The following TENM3 variants were observed in gnomAD, a reference collection of about 807,000 sequenced individuals.
TENM3 encodes teneurin-3.
In TENM3, 63 loss-of-function variants were observed where a neutral mutation model predicts 255.1. The observed-to-expected ratio is 0.25, with a 90% CI of 0.20 to 0.30. The LOEUF (loss-of-function observed/expected upper bound fraction) is 0.30, where lower values mean the gene tolerates loss of function less well. Ranked by LOEUF, TENM3 falls within the 10% of genes least tolerant of loss-of-function variation. The pLI, the probability that TENM3 is intolerant of heterozygous loss-of-function variation, is 1.00. For missense variants in TENM3, 2,929 were observed against 3,461.1 expected (o/e 0.85, Z 3.86); for synonymous variants, 1,306 against 1,322.3 (o/e 0.99, Z 0.27).
At chr4:182,752,149 T>C (rs1762422791) in intron 20 of TENM3, 117 bp downstream of exon 20, 4 of 689,060 alleles carry the variant, frequency 5.8e-6, no homozygotes, top group African/African-American at 5.5e-5. Context: ...TTTTTACCTT[T>C]GACAGTGTTC....
intron 3 of TENM3, among the ~76,000 whole-genome samples, chr4:182,348,043 G>A (rs748373374): frequency 6.6e-6 from 1 of 152,070 alleles, no homozygotes; most frequent in Non-Finnish European, 1.5e-5. Flanking sequence ...CAGCACCTAA[G>A]GCTTATTAGT....
At chr4:181,692,054 T>A in the TENM3 span, among the ~76,000 whole-genome samples, 1 of 152,290 alleles carries the variant, frequency 6.6e-6, no homozygotes, top group Non-Finnish European at 1.5e-5. Flanking sequence ...TTAGGCTTAT[T>A]GAATTTTGAA....
the TENM3 span, among the ~76,000 whole-genome samples, chr4:181,578,442 A>G: frequency 6.6e-6 from 1 of 152,194 alleles, no homozygotes; most frequent in Non-Finnish European, 1.5e-5. Context: ...AATAGCGGCC[A>G]GGGTCTGGCT....
the TENM3 span, among the ~76,000 whole-genome samples, chr4:181,845,313 GA>G: frequency 2.0e-5 from 3 of 152,146 alleles, no homozygotes; most frequent in Non-Finnish European, 4.4e-5. Context: ...GTTAAGTGAT[GA>G]CAGTGAGATG....
At chr4:181,579,800 A>T in the TENM3 span, among the ~76,000 whole-genome samples, 11 of 152,196 alleles carry the variant, frequency 7.2e-5, no homozygotes, top group African/African-American at 2.6e-4. Context: ...GGAAGAAGAG[A>T]CTAGGTTCAT....
chr4:182,042,420 C>T, the TENM3 span, among the ~76,000 whole-genome samples: 1 of 152,016 alleles, frequency 6.6e-6, no homozygotes, highest in African/African-American at 2.4e-5. Flanking sequence ...TAAGTGTCCC[C>T]CTCAGGATGA....
At chr4:181,604,930 C>CA in the TENM3 span, among the ~76,000 whole-genome samples, 1 of 152,120 alleles carries the variant, frequency 6.6e-6, no homozygotes, top group African/African-American at 2.4e-5. Context: ...AAGACTACCC[C>CA]ATATTATTGT....
intron 5 of TENM3, among the ~76,000 whole-genome samples, chr4:182,641,564 G>A (rs1213649811): frequency 6.1e-5 from 9 of 147,522 alleles, no homozygotes; most frequent in African/African-American, 2.3e-4. Context: ...GTCTTGCTCT[G>A]TCACCCAGGC....
chr4:181,781,957 T>C, the TENM3 span, among the ~76,000 whole-genome samples: 1 of 152,178 alleles, frequency 6.6e-6, no homozygotes, highest in Non-Finnish European at 1.5e-5. Context: ...CCTTGCATCC[T>C]AGGGATGAAG....
At chr4:181,718,205 A>C in the TENM3 span, among the ~76,000 whole-genome samples, 12 of 152,230 alleles carry the variant, frequency 7.9e-5, no homozygotes, top group South Asian at 2.5e-3. Flanking sequence ...GAAAGACATG[A>C]TGCCAATCTT....
chr4:182,660,019 C>T (rs1754092711), intron 6 of TENM3, among the ~76,000 whole-genome samples: 1 of 152,168 alleles, frequency 6.6e-6, no homozygotes, highest in Non-Finnish European at 1.5e-5. Flanking sequence ...TTAAAAGGGA[C>T]TAATTTACTT....
intron 3 of TENM3, among the ~76,000 whole-genome samples, chr4:182,361,930 C>G (rs1766024746): frequency 6.6e-6 from 1 of 152,220 alleles, no homozygotes; most frequent in Non-Finnish European, 1.5e-5. Context: ...AGCTTTCCTT[C>G]TGACAGACAG....
the TENM3 span, among the ~76,000 whole-genome samples, chr4:181,612,814 G>A: frequency 1.3e-5 from 2 of 152,048 alleles, no homozygotes; most frequent in Admixed American, 1.3e-4. Flanking sequence ...TACAGATAAA[G>A]TTTTCTAAAT....
chr4:182,171,328 T>C (rs1037273579), intron 1 of TENM3, among the ~76,000 whole-genome samples: 1 of 152,220 alleles, frequency 6.6e-6, no homozygotes, highest in Non-Finnish European at 1.5e-5. Flanking sequence ...CATATTATAC[T>C]TTTGGCATTT....
intron 1 of TENM3, among the ~76,000 whole-genome samples, chr4:182,224,136 T>G (rs2149977915): frequency 6.6e-6 from 1 of 152,346 alleles, no homozygotes; most frequent in East Asian, 1.9e-4. Flanking sequence ...ATTTCCTTAA[T>G]ATTTTAATTG....
chr4:182,247,462 A>G (rs1322837163), intron 1 of TENM3, among the ~76,000 whole-genome samples: 1 of 152,190 alleles, frequency 6.6e-6, no homozygotes, highest in Non-Finnish European at 1.5e-5. Context: ...CCTTAGAAGG[A>G]AGCACTTTAA....
intron 3 of TENM3, among the ~76,000 whole-genome samples, chr4:182,422,342 G>A (rs1453656634): frequency 6.6e-6 from 1 of 152,118 alleles, no homozygotes; most frequent in African/African-American, 2.4e-5. Flanking sequence ...TTAGCTCGGT[G>A]GTGACATGGA....
At chr4:181,690,923 A>G in the TENM3 span, among the ~76,000 whole-genome samples, 496 of 117,392 alleles carry the variant, frequency 4.2e-3, 1 homozygote, top group African/African-American at 0.012. Flanking sequence ...TGACTCTAAC[A>G]AGCAAATACC....
intron 3 of TENM3, among the ~76,000 whole-genome samples, chr4:182,506,306 C>A (rs138831367): frequency 6.6e-6 from 1 of 152,172 alleles, no homozygotes; most frequent in Admixed American, 6.5e-5. Context: ...ACGGTGTGGT[C>A]GAAAGAGGGC....
Sources: gnomAD v4.1 joint callset for allele counts (sites outside exome capture counted in the v4.1 genomes callset) on GRCh38, gnomAD v4.1.1 for gene constraint, MANE v1.5 for transcripts, NCBI Gene and HGNC (gene_info 2026-07-23, HGNC 2026-07-21) for gene names.